The following PCDHGA9 variants were observed in gnomAD, a reference collection of about 807,000 sequenced individuals.
PCDHGA9 encodes the protein protocadherin gamma subfamily A, 9, also known as protocadherin gamma-A9.
Under a neutral mutation model 62.5 loss-of-function variants are expected in PCDHGA9, and 37 were observed. The observed-to-expected ratio is 0.59, with a 90% CI of 0.46 to 0.78. The LOEUF (loss-of-function observed/expected upper bound fraction) is 0.78, where lower values mean the gene tolerates loss of function less well. Among genes scored for constraint, PCDHGA9 ranks in the 30% least tolerant of loss-of-function variants. The probability of loss-of-function intolerance (pLI) is 0.00; values close to 1 mark genes in which losing one functional copy is unlikely to be tolerated. For missense variants in PCDHGA9, 1,138 were observed against 1,166.2 expected, an observed-to-expected ratio of 0.98 and a Z score of 0.35; for synonymous variants, 459 against 484.6, an observed-to-expected ratio of 0.95 and a Z score of 0.69.
intron 1 of PCDHGA9, chr5:141,427,261 C>A (rs903526432): frequency 1.5e-5 from 7 of 456,556 alleles, no homozygotes; most frequent in African/African-American, 4.0e-5. Flanking sequence ...GGAGGCATGA[C>A]CAGCGAATGT....
At chr5:141,444,578 C>G (rs1030770037) in intron 1 of PCDHGA9, among the ~76,000 whole-genome samples, 1 of 152,134 alleles carries the variant, frequency 6.6e-6, no homozygotes, top group Non-Finnish European at 1.5e-5. Context: ...TTGACTCTTC[C>G]TTTCTACTTA....
In PCDHGA9 at chr5:141,487,439, T is replaced by C. The variant is rs201458212; in HGVS notation, c.2425-7368T>C. 1 of 1,613,926 alleles carries C rather than the reference T, an allele frequency of 6.2e-7. No individual in the cohort carries two copies. Among genetic ancestry groups the C allele is most frequent in the South Asian group, 1.1e-5 (1 of 91,066 alleles). ...TGGGATCCTCCGAATCCAGCTAGGG[T>C]CAGATGACCCTATCAAGTTTGTTGA... is the stretch of plus-strand genomic sequence containing the variant. On this transcript the variant is annotated intron_variant, in intron 1 of 3. Transcript: ENST00000573521. This position sits in a 1 kb window ranked among gnomAD's most constrained non-coding sequence, Gnocchi z 5.0.
chr5:141,492,320 G>T (rs1001784912), intron 1 of PCDHGA9, among the ~76,000 whole-genome samples: 1 of 152,206 alleles, frequency 6.6e-6, no homozygotes, highest in Non-Finnish European at 1.5e-5. Context: ...CTCCTCGCAC[G>T]TGGGCTTACG....
chr5:141,494,936 G>C, intron 2 of PCDHGA9, 71 bp downstream of exon 2: 1 of 1,612,574 alleles, frequency 6.2e-7, no homozygotes, highest in South Asian at 1.1e-5. Flanking sequence ...GGAGGAGATG[G>C]GGGAGGGCCC....
At chr5:141,408,618 A>C (rs1264915663) in intron 1 of PCDHGA9, 1 of 1,614,024 alleles carries the variant, frequency 6.2e-7, no homozygotes, top group Admixed American at 1.7e-5. Flanking sequence ...AAGGAAATAC[A>C]TTTAGAAATT....
At position 141,414,131 on chromosome 5, in the gene PCDHGA9, A is replaced by G. The variant is rs977911874; in HGVS notation, c.2424+8755A>G. 1.9e-6 allele frequency: 3 copies of G among 1,594,622 alleles called. No homozygotes were observed. The highest frequency in any genetic ancestry group is 2.7e-5 in the African/African-American group (2 of 74,402). The stretch of plus-strand genomic sequence containing the variant: ...CTAGATTATGAAGAAACCGGTTTCT[A>G]TGAAATAGAAATACAAGCAGAAGAT... On this transcript the variant is annotated intron_variant, in intron 1 of 3. Transcript: ENST00000573521.
Position 141,447,434 on chromosome 5 carries a change from G to A in PCDHGA9, c.2424+42058G>A, listed in dbSNP as rs114249648. ...ATTACAGGCGTGAGCCACCGCACCC[G>A]GAGGAAATTTTTAACCTCAGTTTTT... On this transcript the variant is annotated intron_variant, in intron 1 of 3. Transcript: ENST00000573521. 2.8e-3 allele frequency among the ~76,000 whole-genome samples: 425 copies of A among 152,164 alleles called. 1 individual carries two copies. The highest frequency in any genetic ancestry group is 9.5e-3 in the African/African-American group (394 of 41,546).
chr5:141,404,109 TCCAGGAGAATCTATCTTTTA>T lies in PCDHGA9; in HGVS notation c.1159_1178del (p.Gln387IlefsTer18). 1 of 1,613,518 alleles carries T rather than the reference TCCAGGAGAATCTATCTTTTA, an allele frequency of 6.2e-7. No homozygotes were observed. The highest frequency in any genetic ancestry group is 2.2e-5 in the East Asian group (1 of 44,874). On this transcript the variant is annotated frameshift_variant, in exon 1 of 4. Transcript: ENST00000573521. LOFTEE classifies it high-confidence loss of function. The stretch of plus-strand genomic sequence containing the variant: ...AAGAATGGTCAAGTTGTCTGTTCTA[TCCAGGAGAATCTATCTTTTA>T]CATTAGAAAATTCAGAAGAAGATTA...
intron 1 of PCDHGA9, chr5:141,417,205 C>G (rs1217296715): frequency 6.6e-6 from 1 of 151,986 alleles, no homozygotes; most frequent in Non-Finnish European, 1.5e-5. Context: ...TGAATATAGG[C>G]TAGAATTGAA....
chr5:141,491,794 TCCGG>T lies in PCDHGA9; in HGVS notation c.2425-3007_2425-3004del. The T allele has an allele frequency of 6.6e-7, 1 of 1,511,056 alleles. No homozygotes were observed. The highest frequency in any genetic ancestry group is 8.8e-7 in the Non-Finnish European group (1 of 1,130,146). 93.6% of individuals were successfully genotyped at this position (1,511,056 alleles called of 1,614,324 possible). A position where few individuals can be genotyped will look rare whatever the true frequency, so the allele number is the denominator to read the frequency against. Reference sequence around the variant, plus strand: ...GGGATTGAACTTGCATCCACTCCTCTCCGGCCGGCTTGGTCGCTGGCTGCGCTCC... The same window carrying T: ...GGGATTGAACTTGCATCCACTCCTCTCCGGCTTGGTCGCTGGCTGCGCTCC... On this transcript the variant is annotated intron_variant, in intron 1 of 3. Transcript: ENST00000573521. The surrounding 1 kb of genome is among the most constrained non-coding windows in gnomAD (Gnocchi z 6.9).
At chr5:141,443,728 C>T (rs1434984241) in intron 1 of PCDHGA9, among the ~76,000 whole-genome samples, 1 of 152,060 alleles carries the variant, frequency 6.6e-6, no homozygotes, top group Admixed American at 6.5e-5. Flanking sequence ...ATTCCTCATA[C>T]ATTTCCCTAT....
At position 141,493,235 on chromosome 5, in the gene PCDHGA9, T is replaced by G. The variant is rs541360337; in HGVS notation, c.2425-1572T>G. Among the ~76,000 whole-genome samples the G allele has an allele frequency of 6.6e-6, 1 of 152,352 alleles. No homozygotes were observed. The highest frequency in any genetic ancestry group is 1.5e-5 in the Non-Finnish European group (1 of 68,036). On this transcript the variant is annotated intron_variant, in intron 1 of 3. Transcript: ENST00000573521. This position sits in a 1 kb window ranked among gnomAD's most constrained non-coding sequence, Gnocchi z 4.3. ...TGCTCTTCCCACCATTGCTGTTGGC[T>G]AGGTACTAACATGCCTCTCTTATAA...
At chr5:141,429,445 G>C (rs2097215795) in intron 1 of PCDHGA9, among the ~76,000 whole-genome samples, 1 of 151,758 alleles carries the variant, frequency 6.6e-6, no homozygotes, top group Admixed American at 6.6e-5. Context: ...AAACTCTTGG[G>C]CTACAGTAAT....
Position 141,427,950 on chromosome 5 carries a change from A to C in PCDHGA9, c.2424+22574A>C, listed in dbSNP as rs773336611. The stretch of plus-strand genomic sequence containing the variant: ...CATGTTGGTGGGCGACCTCAATGAC[A>C]ATGTGCCGCGGGTGCTGTACCCCGC... On this transcript the variant is annotated intron_variant, in intron 1 of 3. Transcript: ENST00000573521. 7 of 1,586,816 alleles carry C rather than the reference A, an allele frequency of 4.4e-6. No individual in the cohort carries two copies. The African/African-American group carries it at 8.1e-5, about 18-fold the overall frequency.
chr5:141,511,267 C>A lies in PCDHGA9; in HGVS notation c.*94C>A, dbSNP rs1223074819. The A allele has an allele frequency of 6.5e-7, 1 of 1,549,404 alleles. No individual in the cohort carries two copies. Among genetic ancestry groups the A allele is most frequent in the Non-Finnish European group, 8.7e-7 (1 of 1,146,836 alleles). Reference sequence around the variant, plus strand: ...CCAGGCCTCAGAGTTTCAGGGCTAACCCCCAGAATACTGGTAGGGGCCAAG... The same window carrying A: ...CCAGGCCTCAGAGTTTCAGGGCTAAACCCCAGAATACTGGTAGGGGCCAAG... On this transcript the variant is annotated 3_prime_UTR_variant, in exon 4 of 4. Coordinates refer to ENST00000573521, the MANE Select transcript of PCDHGA9 (RefSeq NM_018921.3).
intron 1 of PCDHGA9, chr5:141,413,769 G>T: frequency 6.2e-7 from 1 of 1,612,870 alleles, no homozygotes; most frequent in Non-Finnish European, 8.5e-7. Flanking sequence ...ACCCGGAGCT[G>T]GTACTGGAGC....
intron 1 of PCDHGA9, among the ~76,000 whole-genome samples, chr5:141,460,251 A>G (rs2098984972): frequency 6.6e-6 from 1 of 152,114 alleles, no homozygotes; most frequent in Admixed American, 6.6e-5. Context: ...TAATTTTGAT[A>G]AAGCCCAATT....
intron 1 of PCDHGA9, chr5:141,414,585 C>CA: frequency 6.2e-7 from 1 of 1,613,968 alleles, no homozygotes; most frequent in East Asian, 2.2e-5. Flanking sequence ...AGAACAACGC[C>CA]AGGGGTGCCT....
intron 1 of PCDHGA9, chr5:141,414,518 A>G (rs746198767): frequency 1.9e-6 from 3 of 1,614,000 alleles, no homozygotes; most frequent in Non-Finnish European, 2.5e-6. Flanking sequence ...CAAGTGGCAG[A>G]TATCAATGAC....
Sources: allele counts gnomAD v4.1 joint callset (sites outside exome capture counted in the v4.1 genomes callset), GRCh38; gene constraint gnomAD v4.1.1; non-coding constraint Gnocchi (gnomAD v3.1); transcripts MANE v1.5; gene names NCBI Gene and HGNC (gene_info 2026-07-23, HGNC 2026-07-21).